The following MYO3B variants were observed in gnomAD, a reference collection of about 807,000 sequenced individuals.
The protein encoded by MYO3B is myosin-IIIb.
A neutral mutation model predicts 174.6 loss-of-function variants in MYO3B; 156 were observed. That is an observed-to-expected ratio of 0.89 (90% confidence interval 0.78 to 1.02). The LOEUF is 1.02. MYO3B is among the 50% of genes least tolerant of loss of function. The pLI, the probability that MYO3B is intolerant of heterozygous loss-of-function variation, is 0.00. For synonymous variants in MYO3B, 563 were observed against 569.1 expected, an observed-to-expected ratio of 0.99 and a Z score of 0.15; for missense variants, 1,632 against 1,639.4, an observed-to-expected ratio of 1.00 and a Z score of 0.08.
chr2:170,338,152 AG>A (rs2093957333), intron 8 of MYO3B: 1 of 152,204 alleles, frequency 6.6e-6, no homozygotes, highest in East Asian at 1.9e-4. Flanking sequence ...GAGTTGCAAA[AG>A]GTCTTGAATA....
intron 32 of MYO3B, among the ~76,000 whole-genome samples, chr2:170,596,483 A>C (rs950510148): frequency 1.3e-5 from 2 of 152,252 alleles, no homozygotes; most frequent in Non-Finnish European, 2.9e-5. Flanking sequence ...TAAACCGTGC[A>C]GAACGATGTT....
At chr2:170,479,580 C>T (rs906602744) in intron 25 of MYO3B, among the ~76,000 whole-genome samples, 1 of 144,604 alleles carries the variant, frequency 6.9e-6, no homozygotes, top group African/African-American at 2.5e-5. Context: ...TATATACATA[C>T]ATCTATATAA....
intron 23 of MYO3B, among the ~76,000 whole-genome samples, chr2:170,446,527 T>C (rs537737222): frequency 6.6e-6 from 1 of 152,264 alleles, no homozygotes; most frequent in Admixed American, 6.5e-5. Flanking sequence ...ATGGGTCTGA[T>C]GAAAATGACT....
intron 8 of MYO3B, chr2:170,343,820 T>G (rs2093995380): frequency 6.6e-6 from 1 of 152,298 alleles, no homozygotes; most frequent in South Asian, 2.1e-4. Flanking sequence ...ACTTAACTTT[T>G]CTGAGCCTCA....
At chr2:170,312,621 G>A (rs773295085) in intron 7 of MYO3B, among the ~76,000 whole-genome samples, 23 of 152,228 alleles carry the variant, frequency 1.5e-4, no homozygotes, top group Non-Finnish European at 2.5e-4. Flanking sequence ...TGAATCCTGC[G>A]TGGAAGGCTG....
chr2:170,608,675 G>C (rs1458212604), intron 32 of MYO3B, among the ~76,000 whole-genome samples: 1 of 151,962 alleles, frequency 6.6e-6, no homozygotes, highest in African/African-American at 2.4e-5. Context: ...CAAAGAGAGA[G>C]AGAGAGAGAC....
chr2:170,501,910 G>A, intron 28 of MYO3B, 45 bp downstream of exon 28: 2 of 1,284,714 alleles, frequency 1.6e-6, no homozygotes, highest in East Asian at 4.6e-5. Flanking sequence ...AAAATATTCT[G>A]TGACTAACTT....
intron 10 of MYO3B, 68 bp downstream of exon 10, chr2:170,382,180 G>A: frequency 7.7e-7 from 1 of 1,297,492 alleles, no homozygotes; most frequent in Non-Finnish European, 1.1e-6. Context: ...TGAACTTTCT[G>A]TTGTAGACCA....
intron 25 of MYO3B, among the ~76,000 whole-genome samples, chr2:170,479,356 A>C (rs144539876): frequency 0.019 from 2,820 of 147,148 alleles, 78 homozygotes; most frequent in East Asian, 0.072. Flanking sequence ...TAAAACCTAT[A>C]TATTTATATA....
chr2:170,571,370 G>A (rs72625218), intron 32 of MYO3B, among the ~76,000 whole-genome samples: 10 of 152,112 alleles, frequency 6.6e-5, no homozygotes, highest in Non-Finnish European at 1.2e-4. Context: ...TGAGACTGAG[G>A]TGTTTCTTAT....
At chr2:170,598,411 G>T (rs1694283901) in intron 32 of MYO3B, among the ~76,000 whole-genome samples, 1 of 152,224 alleles carries the variant, frequency 6.6e-6, no homozygotes, top group Non-Finnish European at 1.5e-5. Context: ...GTGCAGTTTG[G>T]TCACTGGAAA....
intron 22 of MYO3B, among the ~76,000 whole-genome samples, chr2:170,442,095 TTC>T (rs1458713430): frequency 1.3e-5 from 2 of 152,134 alleles, no homozygotes; most frequent in Non-Finnish European, 2.9e-5. Flanking sequence ...TTCCTTTTAT[TTC>T]TTTTTTTTGT....
At chr2:170,485,443 AGC>A (rs1553506338) in intron 25 of MYO3B, among the ~76,000 whole-genome samples, 1 of 150,866 alleles carries the variant, frequency 6.6e-6, no homozygotes, top group African/African-American at 2.4e-5. Context: ...AGAGAGAGAG[AGC>A]GAGTGAGTTA....
At chr2:170,312,592 G>C (rs1368871718) in intron 7 of MYO3B, among the ~76,000 whole-genome samples, 5 of 152,260 alleles carry the variant, frequency 3.3e-5, no homozygotes, top group Non-Finnish European at 7.3e-5. Flanking sequence ...TCTGAACCAA[G>C]AGGCAAATGC....
Position 170,407,701 on chromosome 2 carries a change from T to G in MYO3B, c.2521-14T>G, listed in dbSNP as rs2094519325. 6.2e-7 allele frequency: 1 copy of G among 1,609,382 alleles called. No homozygotes were observed. Among genetic ancestry groups the G allele is most frequent in the Non-Finnish European group, 8.5e-7 (1 of 1,178,348 alleles). ...TTGACTTGGCTAATTTGCCGTTTGCTATTCATGTTACAGGTATTATATGAT... is the reference window on the plus strand; with the variant it reads ...TTGACTTGGCTAATTTGCCGTTTGCGATTCATGTTACAGGTATTATATGAT... On this transcript the variant is annotated splice_polypyrimidine_tract_variant and intron_variant, in intron 21 of 34. Transcript: ENST00000408978.
At chr2:170,649,143 A>ATG (rs1491493838) in intron 32 of MYO3B, among the ~76,000 whole-genome samples, 4 of 65,916 alleles carry the variant, frequency 6.1e-5, no homozygotes, top group Admixed American at 2.7e-4. Flanking sequence ...ATAATATATA[A>ATG]TATATTATAT....
At chr2:170,498,555 G>T (rs898096176) in intron 25 of MYO3B, 37 bp from the exon 26 acceptor site, 2 of 1,433,392 alleles carry the variant, frequency 1.4e-6, no homozygotes, top group South Asian at 1.2e-5. Flanking sequence ...GTCAAATGGT[G>T]ACTGAAAAGG....
intron 22 of MYO3B, among the ~76,000 whole-genome samples, chr2:170,442,115 T>C (rs1376621628): frequency 2.0e-5 from 3 of 152,186 alleles, no homozygotes; most frequent in Non-Finnish European, 4.4e-5. Context: ...TGTGGACATA[T>C]ATTTTTATTT....
In MYO3B at chr2:170,383,755, C is replaced by A. The variant is rs773289825; in HGVS notation, c.1231C>A (p.His411Asn). Reference protein sequence around the residue: ...HGVKRASNPPHIFASADAAYQ... With the variant: ...HGVKRASNPPNIFASADAAYQ... ...GGTGAAACGCGCCTCCAATCCCCCC[C>A]ACATATTTGCATCAGCAGATGCTGC... Residue 411 changes from histidine (H) to asparagine (N), a missense_variant, in exon 12 of 35, where the codon CAC (histidine) becomes AAC (asparagine). Coordinates refer to ENST00000408978, the MANE Select transcript of MYO3B (RefSeq NM_138995.5). 1.7e-5 allele frequency: 28 copies of A among 1,613,690 alleles called. No homozygotes were observed. The highest frequency in any genetic ancestry group is 1.0e-4 in the Admixed American group (6 of 59,976).
Sources: allele counts gnomAD v4.1 joint callset (sites outside exome capture counted in the v4.1 genomes callset), GRCh38; gene constraint gnomAD v4.1.1; transcripts MANE v1.5; gene names NCBI Gene and HGNC (gene_info 2026-07-23, HGNC 2026-07-21).